The following DLGAP2 variants were observed in gnomAD, a reference collection of about 807,000 sequenced individuals.
The protein encoded by DLGAP2 is disks large-associated protein 2.
DLGAP2 carries 26 observed loss-of-function variants against 100.3 expected under a neutral mutation model. That is an observed-to-expected ratio of 0.26 (90% CI 0.19 to 0.36). DLGAP2 has a LOEUF of 0.36. Ranked by LOEUF, DLGAP2 falls within the 10% of genes least tolerant of loss-of-function variation. DLGAP2 has a pLI of 1.00. For missense variants in DLGAP2, 1,858 were observed against 1,453.2 expected (o/e 1.28, Z -4.53); for synonymous variants, 886 against 630.1 (o/e 1.41, Z -6.08).
At chr8:1,701,140 G>C (rs573844731) in intron 14 of DLGAP2, 48 bp from the exon 15 acceptor site, 23 of 1,526,266 alleles carry the variant, frequency 1.5e-5, no homozygotes, top group South Asian at 9.8e-5. Flanking sequence ...CGAGCTGCTG[G>C]GACCCTCCTC....
chr8:1,617,375 C>T (rs983850102), intron 6 of DLGAP2, among the ~76,000 whole-genome samples: 4 of 152,194 alleles, frequency 2.6e-5, no homozygotes, highest in African/African-American at 9.6e-5. Flanking sequence ...TTCTTCACAG[C>T]CTCACAGCAT....
intron 1 of DLGAP2, among the ~76,000 whole-genome samples, chr8:746,612 A>G (rs997428283): frequency 6.6e-6 from 1 of 152,260 alleles, no homozygotes; most frequent in Non-Finnish European, 1.5e-5. Flanking sequence ...TGCTGAATGA[A>G]TGTGGATCAG....
intron 2 of DLGAP2, among the ~76,000 whole-genome samples, chr8:1,161,763 G>T (rs187619750): frequency 1.9e-3 from 290 of 151,136 alleles, no homozygotes; most frequent in Middle Eastern, 6.8e-3. Context: ...AGCCTCCCCC[G>T]GGTGCCATGG....
chr8:1,641,323 G>T (rs1401827585), intron 8 of DLGAP2, among the ~76,000 whole-genome samples: 1 of 152,156 alleles, frequency 6.6e-6, no homozygotes, highest in Non-Finnish European at 1.5e-5. Flanking sequence ...TTTTCCCCAA[G>T]TGTGTAGCCT....
In DLGAP2 at chr8:1,392,295, T is replaced by C. The variant is rs569545959; in HGVS notation, c.107-109071T>C. Among the ~76,000 whole-genome samples the C allele has an allele frequency of 3.0e-4, 45 of 152,258 alleles. No individual in the cohort carries two copies. In the South Asian group the frequency reaches 9.1e-3, roughly 31 times the overall value. ...CCAGGTCGAGGCGCAGTCCAGATCCTGGGTTGAGGCGCCATCTGGATCCAG... is the reference window on the plus strand; with the variant it reads ...CCAGGTCGAGGCGCAGTCCAGATCCCGGGTTGAGGCGCCATCTGGATCCAG... On this transcript the variant is annotated intron_variant, in intron 3 of 14. Coordinates refer to ENST00000637795, the MANE Select transcript of DLGAP2 (RefSeq NM_001346810.2).
At chr8:1,469,208 C>T (rs953397310) in intron 3 of DLGAP2, among the ~76,000 whole-genome samples, 23 of 152,244 alleles carry the variant, frequency 1.5e-4, no homozygotes, top group African/African-American at 5.1e-4. Flanking sequence ...TTCCTCCCCT[C>T]GCCCAGCTCC....
intron 2 of DLGAP2, among the ~76,000 whole-genome samples, chr8:936,229 A>C: frequency 6.6e-6 from 1 of 152,192 alleles, no homozygotes. Flanking sequence ...CTAGAGGGCC[A>C]GAGCAAGCAG....
intron 2 of DLGAP2, among the ~76,000 whole-genome samples, chr8:1,167,649 T>A (rs1385713283): frequency 1.3e-5 from 2 of 152,230 alleles, no homozygotes; most frequent in Admixed American, 1.3e-4. Flanking sequence ...TTGTGAAAGT[T>A]AATTTCTTTA....
intron 2 of DLGAP2, among the ~76,000 whole-genome samples, chr8:1,006,259 C>G (rs992445299): frequency 6.6e-6 from 1 of 152,206 alleles, no homozygotes; most frequent in African/African-American, 2.4e-5. Context: ...CTGTGCTATG[C>G]TTCTGGGGAG....
At chr8:1,684,685 A>G (rs572700682) in intron 12 of DLGAP2, among the ~76,000 whole-genome samples, 1 of 152,128 alleles carries the variant, frequency 6.6e-6, no homozygotes, top group South Asian at 2.1e-4. Flanking sequence ...TATTGTTAAT[A>G]AAAGTACTTT....
At chr8:1,467,429 A>G (rs1287480740) in intron 3 of DLGAP2, among the ~76,000 whole-genome samples, 2 of 147,408 alleles carry the variant, frequency 1.4e-5, no homozygotes, top group Admixed American at 1.3e-4. Context: ...AGCTCCAGAG[A>G]GACCCAGGAC....
At chr8:1,216,968 C>A (rs971228354) in intron 2 of DLGAP2, among the ~76,000 whole-genome samples, 4 of 152,100 alleles carry the variant, frequency 2.6e-5, no homozygotes, top group African/African-American at 9.7e-5. Flanking sequence ...TTTTCTTCAA[C>A]TTTTACCTTA....
intron 3 of DLGAP2, among the ~76,000 whole-genome samples, chr8:1,332,502 C>G (rs545738377): frequency 6.6e-6 from 1 of 152,256 alleles, no homozygotes; most frequent in South Asian, 2.1e-4. Flanking sequence ...CATCTGTGTA[C>G]TCATATCTGC....
At chr8:1,440,371 G>A (rs572088688) in intron 3 of DLGAP2, among the ~76,000 whole-genome samples, 17 of 152,226 alleles carry the variant, frequency 1.1e-4, no homozygotes, top group Admixed American at 5.2e-4. Flanking sequence ...TTTGCGTTAC[G>A]TTTCAAAAGT....
At chr8:972,772 C>G (rs893637743) in intron 2 of DLGAP2, among the ~76,000 whole-genome samples, 1 of 152,106 alleles carries the variant, frequency 6.6e-6, no homozygotes, top group Non-Finnish European at 1.5e-5. Context: ...TGCGGCCTTC[C>G]GCGGTGTTTG....
chr8:1,581,027 ACAGT>A (rs1803223961), intron 6 of DLGAP2, among the ~76,000 whole-genome samples: 1 of 151,156 alleles, frequency 6.6e-6, no homozygotes, highest in African/African-American at 2.4e-5. Context: ...CACACACACC[ACAGT>A]CAAACTACCA....
At chr8:1,631,638 G>C (rs937886371) in intron 7 of DLGAP2, among the ~76,000 whole-genome samples, 4 of 152,206 alleles carry the variant, frequency 2.6e-5, no homozygotes, top group African/African-American at 9.6e-5. Context: ...CGCCGGCATT[G>C]TGCCAACTCT....
At chr8:1,382,147 C>T (rs963092099) in intron 3 of DLGAP2, among the ~76,000 whole-genome samples, 1 of 152,182 alleles carries the variant, frequency 6.6e-6, no homozygotes, top group Non-Finnish European at 1.5e-5. Flanking sequence ...AATACAGTCA[C>T]TGACACACAT....
intron 1 of DLGAP2, among the ~76,000 whole-genome samples, chr8:808,582 G>T (rs1177570911): frequency 6.6e-6 from 1 of 152,208 alleles, no homozygotes; most frequent in Non-Finnish European, 1.5e-5. Context: ...AGGCTGGAAT[G>T]TGGGGATGTG....
Sources: allele counts gnomAD v4.1 joint callset (sites outside exome capture counted in the v4.1 genomes callset), GRCh38; gene constraint gnomAD v4.1.1; transcripts MANE v1.5; gene names NCBI Gene and HGNC (gene_info 2026-07-23, HGNC 2026-07-21).